The following SAXO1 variants were observed in gnomAD, a reference collection of about 807,000 sequenced individuals.
SAXO1 encodes 4930500O09Rik.
In SAXO1, 21 loss-of-function variants were observed where a neutral mutation model predicts 17.5. The observed-to-expected ratio is 1.20, with a 90% CI of 0.85 to 1.72. The LOEUF (loss-of-function observed/expected upper bound fraction) is 1.72, where lower values mean the gene tolerates loss of function less well. SAXO1 is among the 40% of genes most tolerant of loss of function. The probability of loss-of-function intolerance (pLI) is 0.00; values close to 1 mark genes in which losing one functional copy is unlikely to be tolerated. For synonymous variants in SAXO1, 274 were observed against 216.5 expected, an observed-to-expected ratio of 1.27 and a Z score of -2.33; for missense variants, 843 against 596.0, an observed-to-expected ratio of 1.41 and a Z score of -4.32.
chr9:18,938,361 T>A (rs1308396918), intron 3 of SAXO1, among the ~76,000 whole-genome samples: 2 of 152,042 alleles, frequency 1.3e-5, no homozygotes, highest in Non-Finnish European at 2.9e-5. Flanking sequence ...GTAGCATCTG[T>A]TTCTGGGGAG....
chr9:18,948,845 A>T (rs1270901027), intron 2 of SAXO1, among the ~76,000 whole-genome samples: 1 of 152,230 alleles, frequency 6.6e-6, no homozygotes, highest in African/African-American at 2.4e-5. Context: ...GACATCTCAC[A>T]AAGTCTTCTT....
intron 1 of SAXO1, among the ~76,000 whole-genome samples, chr9:19,013,235 G>C (rs561198051): frequency 6.6e-6 from 1 of 152,220 alleles, no homozygotes; most frequent in Non-Finnish European, 1.5e-5. Flanking sequence ...AAGGCATAAG[G>C]CATGGCAATT....
intron 1 of SAXO1, among the ~76,000 whole-genome samples, chr9:18,983,875 T>C (rs984308168): frequency 6.6e-6 from 1 of 152,214 alleles, no homozygotes; most frequent in Admixed American, 6.5e-5. Context: ...TGGCTTCCAA[T>C]CTTCAAAGGA....
rs1282478230 is a variant in SAXO1, at chr9:18,935,217, T to C, written c.422-6162A>G. Among the ~76,000 whole-genome samples the C allele has an allele frequency of 2.6e-5, 4 of 152,182 alleles. No homozygotes were observed. The South Asian group carries it at 6.2e-4, about 24-fold the overall frequency. On this transcript the variant is annotated intron_variant, in intron 3 of 3. Coordinates refer to ENST00000380534, the MANE Select transcript of SAXO1 (RefSeq NM_153707.4). Reference sequence around the variant, plus strand: ...ACGTGAGCCACCTTGCCTGACTTCTTAAGGGTCACTCTGTCAGCATAGTTT... The same window carrying C: ...ACGTGAGCCACCTTGCCTGACTTCTCAAGGGTCACTCTGTCAGCATAGTTT...
At chr9:18,984,179 G>A (rs1424825360) in intron 1 of SAXO1, among the ~76,000 whole-genome samples, 1 of 152,180 alleles carries the variant, frequency 6.6e-6, no homozygotes, top group East Asian at 1.9e-4. Flanking sequence ...GTAAAAAGAT[G>A]TGCCATCATC....
At chr9:18,979,140 C>G (rs187410959) in intron 1 of SAXO1, among the ~76,000 whole-genome samples, 48 of 152,290 alleles carry the variant, frequency 3.2e-4, no homozygotes, top group African/African-American at 1.1e-3. Flanking sequence ...TACACAGCAA[C>G]TATAGGTCCA....
intron 1 of SAXO1, among the ~76,000 whole-genome samples, chr9:19,046,585 C>T (rs1202453545): frequency 6.6e-6 from 1 of 152,122 alleles, no homozygotes; most frequent in African/African-American, 2.4e-5. Flanking sequence ...GCCTGCAATC[C>T]CAGCTACTTG....
chr9:18,928,658 C>T lies in SAXO1; in HGVS notation c.819G>A (p.Glu273=). The part of the protein sequence containing the change: ...GLDMPFCNTT[E]FRDKYQAWPM... ...GCCAAGCTTGGTACTTATCTCGAAA[C>T]TCAGTGGTGTTACAGAAAGGCATGT... Residue 273 remains glutamate, a synonymous_variant, in exon 4 of 4, where the codon GAG becomes GAA. Transcript: ENST00000380534. The T allele has an allele frequency of 6.2e-7, 1 of 1,614,088 alleles. No homozygotes were observed. Among genetic ancestry groups the T allele is most frequent in the Non-Finnish European group, 8.5e-7 (1 of 1,180,026 alleles).
chr9:18,965,951 T>C (rs567723580), intron 1 of SAXO1, among the ~76,000 whole-genome samples: 2 of 152,234 alleles, frequency 1.3e-5, no homozygotes, highest in Non-Finnish European at 2.9e-5. Context: ...AGTGACACAA[T>C]CCCTCAGCAT....
intron 1 of SAXO1, among the ~76,000 whole-genome samples, chr9:18,951,186 G>A (rs1312480769): frequency 1.3e-5 from 2 of 152,126 alleles, no homozygotes; most frequent in African/African-American, 4.8e-5. Flanking sequence ...TGTCACACAT[G>A]CCACATTGCT....
chr9:19,000,920 G>C (rs1472626032), intron 1 of SAXO1, among the ~76,000 whole-genome samples: 2 of 152,064 alleles, frequency 1.3e-5, no homozygotes, highest in East Asian at 3.9e-4. Context: ...CAATACAGGA[G>C]CACCCAGATT....
At chr9:18,979,239 A>T (rs1308353682) in intron 1 of SAXO1, among the ~76,000 whole-genome samples, 2 of 152,250 alleles carry the variant, frequency 1.3e-5, no homozygotes, top group African/African-American at 4.8e-5. Flanking sequence ...TTAACTGAGC[A>T]GATTATTATA....
intron 1 of SAXO1, among the ~76,000 whole-genome samples, chr9:19,016,966 C>T (rs1835000863): frequency 6.6e-6 from 1 of 151,994 alleles, no homozygotes; most frequent in African/African-American, 2.4e-5. Flanking sequence ...GAGGCCTGAG[C>T]ATGTGACCAA....
intron 1 of SAXO1, among the ~76,000 whole-genome samples, chr9:18,987,864 T>A (rs1016404100): frequency 1.3e-4 from 19 of 145,680 alleles, no homozygotes; most frequent in Non-Finnish European, 2.0e-4. Flanking sequence ...ACCACCCCAC[T>A]ATAACCTGGG....
At chr9:18,979,850 A>G (rs1397256188) in intron 1 of SAXO1, among the ~76,000 whole-genome samples, 1 of 152,124 alleles carries the variant, frequency 6.6e-6, no homozygotes, top group African/African-American at 2.4e-5. Context: ...TTCTTTTTTT[A>G]AAAAGAGTCT....
chr9:19,033,668 C>G (rs1835861379), upstream of SAXO1, among the ~76,000 whole-genome samples: 3 of 152,204 alleles, frequency 2.0e-5, no homozygotes, highest in Non-Finnish European at 2.9e-5. Flanking sequence ...TAAGAGCGCC[C>G]AGGCCTTCAC....
intron 1 of SAXO1, among the ~76,000 whole-genome samples, chr9:19,018,667 A>C (rs1018775128): frequency 5.9e-5 from 9 of 152,198 alleles, no homozygotes; most frequent in Non-Finnish European, 1.0e-4. Flanking sequence ...CAACAGATGA[A>C]GGTTTTTAAT....
Position 18,973,592 on chromosome 9 carries a change from G to A in SAXO1, c.39-22655C>T, listed in dbSNP as rs916787950. ...AAATGGCCCTCATGTGCCTGGTGCT[G>A]CACTGGATAAGACAAGCTGGGTGTC... On this transcript the variant is annotated intron_variant, in intron 1 of 3. Transcript: ENST00000380534. Among the ~76,000 whole-genome samples the A allele has an allele frequency of 1.7e-4, 26 of 152,308 alleles. 1 individual carries two copies. Among genetic ancestry groups the A allele is most frequent in the South Asian group, 2.1e-4 (1 of 4,828 alleles).
chr9:19,045,316 C>CAAAAAAA (rs575855900), intron 1 of SAXO1, among the ~76,000 whole-genome samples: 70 of 89,326 alleles, frequency 7.8e-4, no homozygotes, highest in African/African-American at 2.4e-3. Context: ...GACTCCGTCT[C>CAAAAAAA]AAAAAAAAAA....
Sources: allele counts gnomAD v4.1 joint callset (sites outside exome capture counted in the v4.1 genomes callset), GRCh38; gene constraint gnomAD v4.1.1; transcripts MANE v1.5; gene names NCBI Gene and HGNC (gene_info 2026-07-23, HGNC 2026-07-21).